The following DSCAM variants were observed in gnomAD, a reference collection of about 807,000 sequenced individuals.
DSCAM encodes the protein cell adhesion molecule DSCAM.
In DSCAM, 47 loss-of-function variants were observed where a neutral mutation model predicts 217.7. The observed-to-expected ratio is 0.22, with a 90% confidence interval of 0.17 to 0.28. The LOEUF (loss-of-function observed/expected upper bound fraction) is 0.28, where lower values mean the gene tolerates loss of function less well. Among genes scored for constraint, DSCAM ranks in the 10% least tolerant of loss-of-function variants. The pLI is 1.00. For missense variants in DSCAM, 2,080 were observed against 2,618.3 expected, an observed-to-expected ratio of 0.79 and a Z score of 4.49; for synonymous variants, 1,056 against 1,015.3, an observed-to-expected ratio of 1.04 and a Z score of -0.76.
chr21:40,320,162 C>G (rs1483110254), intron 8 of DSCAM, among the ~76,000 whole-genome samples: 1 of 152,112 alleles, frequency 6.6e-6, no homozygotes, highest in African/African-American at 2.4e-5. Flanking sequence ...ATGTGACAAA[C>G]TTGTACATCC....
chr21:40,137,127 A>C (rs2090219344), intron 18 of DSCAM, among the ~76,000 whole-genome samples: 1 of 147,982 alleles, frequency 6.8e-6, no homozygotes, highest in South Asian at 2.2e-4. Context: ...GTGAGTCGAG[A>C]TCGCACCACT....
intron 27 of DSCAM, 106 bp downstream of exon 27, chr21:40,074,931 G>C: frequency 8.1e-7 from 1 of 1,234,722 alleles, no homozygotes; most frequent in Non-Finnish European, 1.1e-6. Context: ...GGGTTAAAGA[G>C]GGAAGAGTCA....
chr21:40,785,757 T>C (rs2091587961), intron 1 of DSCAM, among the ~76,000 whole-genome samples: 1 of 152,186 alleles, frequency 6.6e-6, no homozygotes, highest in African/African-American at 2.4e-5. Flanking sequence ...GCCATGGGCA[T>C]TGGGATAGAG....
At chr21:40,655,446 C>CTTTTTTTT (rs376852214) in intron 3 of DSCAM, among the ~76,000 whole-genome samples, 1 of 138,852 alleles carries the variant, frequency 7.2e-6, no homozygotes, top group African/African-American at 2.7e-5. Flanking sequence ...ATCTGTCTCT[C>CTTTTTTTT]TTTTTTTTTT....
intron 3 of DSCAM, among the ~76,000 whole-genome samples, chr21:40,473,474 G>A (rs1997550): frequency 0.11 from 17,152 of 152,194 alleles, 1,028 homozygotes; most frequent in Middle Eastern, 0.18. Flanking sequence ...TGCGGATGCC[G>A]ACCCCTTAGA....
At chr21:40,393,844 C>T (rs2075155409) in intron 3 of DSCAM, among the ~76,000 whole-genome samples, 1 of 152,166 alleles carries the variant, frequency 6.6e-6, no homozygotes, top group South Asian at 2.1e-4. Flanking sequence ...GGCTACCTGT[C>T]ATTTGAATGC....
At chr21:40,422,472 A>T (rs1357714402) in intron 3 of DSCAM, among the ~76,000 whole-genome samples, 2 of 124,076 alleles carry the variant, frequency 1.6e-5, no homozygotes, top group African/African-American at 5.2e-5. Flanking sequence ...TCTACTAAAA[A>T]AAAATATATA....
chr21:40,051,304 T>G (rs560845657), intron 30 of DSCAM, among the ~76,000 whole-genome samples: 14 of 152,340 alleles, frequency 9.2e-5, no homozygotes, highest in Admixed American at 5.9e-4. Context: ...AGATACATAT[T>G]AGGGGATTCA....
intron 1 of DSCAM, among the ~76,000 whole-genome samples, chr21:40,791,842 A>C (rs1238658715): frequency 6.6e-6 from 1 of 152,114 alleles, no homozygotes; most frequent in Non-Finnish European, 1.5e-5. Context: ...TCAGCACTGC[A>C]GTCCATTTCC....
chr21:40,566,219 G>A (rs888529403), intron 3 of DSCAM, among the ~76,000 whole-genome samples: 7 of 152,004 alleles, frequency 4.6e-5, no homozygotes, highest in Admixed American at 1.3e-4. Flanking sequence ...GCTCAGAAAC[G>A]GCCACCCTAG....
At chr21:40,732,147 G>A (rs983308047) in intron 1 of DSCAM, among the ~76,000 whole-genome samples, 5 of 152,172 alleles carry the variant, frequency 3.3e-5, no homozygotes, top group African/African-American at 4.8e-5. Context: ...AAACAAGGAT[G>A]GTAGAGGAAC....
intron 4 of DSCAM, among the ~76,000 whole-genome samples, chr21:40,368,174 G>A (rs1202936000): frequency 5.3e-5 from 8 of 152,040 alleles, no homozygotes; most frequent in East Asian, 1.9e-4. Context: ...CTCCTACCTC[G>A]AATCCTTCCC....
At chr21:40,097,670 G>T (rs767639995) in intron 20 of DSCAM, among the ~76,000 whole-genome samples, 4 of 152,010 alleles carry the variant, frequency 2.6e-5, no homozygotes. Flanking sequence ...GGCCAGGTGC[G>T]GTGGCTCACG....
chr21:40,305,935 T>G (rs1299249399), intron 9 of DSCAM, among the ~76,000 whole-genome samples: 1 of 152,150 alleles, frequency 6.6e-6, no homozygotes, highest in East Asian at 1.9e-4. Flanking sequence ...GCTCTTTTTT[T>G]GTGCCACATG....
intron 11 of DSCAM, among the ~76,000 whole-genome samples, chr21:40,223,834 G>T (rs933313920): frequency 2.0e-5 from 3 of 152,172 alleles, no homozygotes; most frequent in African/African-American, 7.2e-5. Flanking sequence ...AAAACAGAGA[G>T]GGTGCTCAAA....
At chr21:40,418,033 C>T (rs1882756) in intron 3 of DSCAM, among the ~76,000 whole-genome samples, 116,882 of 152,070 alleles carry the variant, frequency 0.77, 45,107 homozygotes, top group African/African-American at 0.84. Flanking sequence ...AGTTCCTCAA[C>T]AAAAGGCAGA....
At chr21:40,315,303 C>G (rs567729314) in intron 8 of DSCAM, among the ~76,000 whole-genome samples, 54 of 151,644 alleles carry the variant, frequency 3.6e-4, no homozygotes, top group African/African-American at 1.1e-3. Context: ...ACTAGGGAGG[C>G]TGAGGCAGGA....
chr21:40,539,035 T>C (rs867969628), intron 3 of DSCAM, among the ~76,000 whole-genome samples: 2 of 152,192 alleles, frequency 1.3e-5, no homozygotes, highest in South Asian at 4.2e-4. Context: ...AACTTGGGAC[T>C]AGGATGGAAC....
Position 40,312,348 on chromosome 21 carries a change from T to C in DSCAM, c.1795A>G (p.Ile599Val). 6.2e-7 allele frequency: 1 copy of C among 1,613,476 alleles called. No homozygotes were observed. Among genetic ancestry groups the C allele is most frequent in the Non-Finnish European group, 8.5e-7 (1 of 1,179,540 alleles). Reference sequence around the variant, plus strand: ...AATCTTGGAAACTCAAAGGGTTGTATGAAAGGCGGAACTGCAAGAAAAAAG... The same window carrying C: ...AATCTTGGAAACTCAAAGGGTTGTACGAAAGGCGGAACTGCAAGAAAAAAG... ...VHVTVKVPPF[I>V]QPFEFPRFSI... The change falls in exon 9 of 33, where the codon ATA becomes GTA. Residue 599 changes from isoleucine to valine, a missense_variant. Coordinates refer to ENST00000400454, the MANE Select transcript of DSCAM (RefSeq NM_001389.5).
Sources: gnomAD v4.1 joint callset for allele counts (sites outside exome capture counted in the v4.1 genomes callset) on GRCh38, gnomAD v4.1.1 for gene constraint, MANE v1.5 for transcripts, NCBI Gene and HGNC (gene_info 2026-07-23, HGNC 2026-07-21) for gene names.